HELZ: variants seen among roughly 807,000 people sequenced by gnomAD.
The protein encoded by HELZ is ATP-dependent RNA helicase with zinc finger domain.
In HELZ, 23 loss-of-function variants were observed where a neutral mutation model predicts 218.2. That is an observed-to-expected ratio of 0.11 (90% CI 0.08 to 0.15). HELZ has a LOEUF of 0.15. HELZ is among the 10% of genes least tolerant of loss of function. The pLI is 1.00. For missense variants in HELZ, 1,813 were observed against 2,353.7 expected, an observed-to-expected ratio of 0.77 and a Z score of 4.75; for synonymous variants, 814 against 829.4, an observed-to-expected ratio of 0.98 and a Z score of 0.32.
At chr17:67,227,672 T>C (rs528179511) in intron 3 of HELZ, among the ~76,000 whole-genome samples, 1 of 152,312 alleles carries the variant, frequency 6.6e-6, no homozygotes, top group East Asian at 1.9e-4. Flanking sequence ...AGAATACTTT[T>C]GAAGAATTGC....
At chr17:67,127,738 C>T (rs563717549) in intron 24 of HELZ, among the ~76,000 whole-genome samples, 1 of 152,002 alleles carries the variant, frequency 6.6e-6, no homozygotes, top group Non-Finnish European at 1.5e-5. Context: ...CCCAGCTACT[C>T]CAGAGGCTGA....
rs992183692 is a variant in HELZ at position 67,188,130 on chromosome 17, C to T, written c.1162+189G>A. 1.1e-5 allele frequency: 6 copies of T among 537,354 alleles called. No individual in the cohort carries two copies. Among genetic ancestry groups the T allele is most frequent in the Middle Eastern group, 5.1e-4 (1 of 1,954 alleles). The allele number at this position is 537,354 out of a possible 1,614,324, so 33.3% of individuals were successfully genotyped here. ...AAAGTTCAAGCTTTACCTGGTGGCT[C>T]TGTGAAGAAATCAGGGCACAGTGTG... is the stretch of plus-strand genomic sequence containing the variant. On this transcript the variant is annotated intron_variant, in intron 12 of 32. Coordinates refer to ENST00000358691, the MANE Select transcript of HELZ (RefSeq NM_014877.4). The surrounding 1 kb of genome is among the most constrained non-coding windows in gnomAD (Gnocchi z 4.1).
rs1567776794 is a variant in HELZ, at chr17:67,074,834, TA to T, written c.*3417del. On this transcript the variant is annotated 3_prime_UTR_variant, in exon 33 of 33. Coordinates refer to ENST00000358691, the MANE Select transcript of HELZ (RefSeq NM_014877.4). ...GACCAGTTGATGTTTACATTAAACCTAAACTTATTCTAAAATCTGATGATTT... is the reference window on the plus strand; with the variant it reads ...GACCAGTTGATGTTTACATTAAACCTAACTTATTCTAAAATCTGATGATTT... 1 of 151,624 alleles carries T rather than the reference TA, an allele frequency of 6.6e-6. No homozygotes were observed. The highest frequency in any genetic ancestry group is 1.5e-5 in the Non-Finnish European group (1 of 67,906). 9.4% of individuals were successfully genotyped at this position (151,624 alleles called of 1,614,324 possible). A position where few individuals can be genotyped will look rare whatever the true frequency, so the allele number is the denominator to read the frequency against.
intron 13 of HELZ, among the ~76,000 whole-genome samples, chr17:67,171,000 C>G (rs189432907): frequency 6.6e-6 from 1 of 151,120 alleles, no homozygotes; most frequent in East Asian, 1.9e-4. Flanking sequence ...CACAAAGAAT[C>G]ATAGCAAAAA....
intron 17 of HELZ, among the ~76,000 whole-genome samples, chr17:67,157,302 G>GA (rs1347965933): frequency 1.3e-5 from 2 of 152,034 alleles, no homozygotes; most frequent in Non-Finnish European, 2.9e-5. Context: ...AAAGAGGGGG[G>GA]AAAAAAAGAA....
At chr17:67,168,807 T>A (rs180873770) in intron 13 of HELZ, among the ~76,000 whole-genome samples, 1 of 152,140 alleles carries the variant, frequency 6.6e-6, no homozygotes, top group East Asian at 1.9e-4. Context: ...TCAAGAAATA[T>A]GGAGCCGGAC....
chr17:67,210,097 C>T (rs1451674025), intron 5 of HELZ, among the ~76,000 whole-genome samples: 1 of 152,128 alleles, frequency 6.6e-6, no homozygotes, highest in East Asian at 1.9e-4. Context: ...CTGGCGCACA[C>T]TTTGTTGTCC....
At chr17:67,101,429 G>GA (rs2036927997) in intron 31 of HELZ, among the ~76,000 whole-genome samples, 1 of 152,118 alleles carries the variant, frequency 6.6e-6, no homozygotes, top group Non-Finnish European at 1.5e-5. Context: ...TACTGGGTTA[G>GA]AATGCCACAA....
intron 32 of HELZ, among the ~76,000 whole-genome samples, chr17:67,085,328 A>G (rs2036335756): frequency 6.6e-6 from 1 of 152,126 alleles, no homozygotes; most frequent in Non-Finnish European, 1.5e-5. Flanking sequence ...AGGCTGAGGC[A>G]GGAGGATCAT....
intron 28 of HELZ, among the ~76,000 whole-genome samples, chr17:67,113,345 C>T (rs993384129): frequency 4.0e-5 from 6 of 151,830 alleles, no homozygotes; most frequent in Non-Finnish European, 8.8e-5. Flanking sequence ...CTGCAAGCTC[C>T]GCCTCCTGGG....
chr17:67,239,304 G>C (rs1019650879), intron 3 of HELZ, 129 bp downstream of exon 3: 1 of 152,226 alleles, frequency 6.6e-6, no homozygotes, highest in Non-Finnish European at 1.5e-5. Flanking sequence ...AACCGATTCC[G>C]TTAGGATCTG....
intron 5 of HELZ, among the ~76,000 whole-genome samples, chr17:67,205,757 T>C (rs16960711): frequency 0.091 from 13,912 of 152,288 alleles, 1,676 homozygotes; most frequent in African/African-American, 0.28. Context: ...TATGAGGTAT[T>C]TGCTGAATTT....
At chr17:67,152,767 TA>T (rs368609592) in intron 17 of HELZ, among the ~76,000 whole-genome samples, 374 of 124,824 alleles carry the variant, frequency 3.0e-3, no homozygotes, top group African/African-American at 6.9e-3. Context: ...AGAGTAGATT[TA>T]AAAAAAAAAA....
At chr17:67,111,212 T>C (rs913131877) in intron 28 of HELZ, among the ~76,000 whole-genome samples, 1 of 152,236 alleles carries the variant, frequency 6.6e-6, no homozygotes, top group Non-Finnish European at 1.5e-5. Context: ...TACTGAGTAA[T>C]TGTTTTTAAT....
At chr17:67,093,179 T>C (rs2036626863) in intron 31 of HELZ, among the ~76,000 whole-genome samples, 1 of 152,176 alleles carries the variant, frequency 6.6e-6, no homozygotes, top group Non-Finnish European at 1.5e-5. Context: ...GAAAAGGCAC[T>C]GCAGAAAACA....
intron 3 of HELZ, among the ~76,000 whole-genome samples, chr17:67,228,707 CATTATTATT>C (rs375631612): frequency 3.4e-5 from 5 of 147,508 alleles, no homozygotes; most frequent in East Asian, 2.0e-4. Context: ...CAAATTGATA[CATTATTATT>C]ATTATTATTA....
chr17:67,071,529 A>G lies in HELZ; in HGVS notation c.*6723T>C, dbSNP rs1328309645. ...AGCTGTATATTCTACGATGGTCTTCACGTGTACTTTTACACCTAAGTCATT... is the reference window on the plus strand; with the variant it reads ...AGCTGTATATTCTACGATGGTCTTCGCGTGTACTTTTACACCTAAGTCATT... On this transcript the variant is annotated 3_prime_UTR_variant, in exon 33 of 33. Coordinates refer to ENST00000358691, the MANE Select transcript of HELZ (RefSeq NM_014877.4). The G allele has an allele frequency of 1.3e-5, 2 of 152,214 alleles. No individual in the cohort carries two copies. The highest frequency in any genetic ancestry group is 4.8e-5 in the African/African-American group (2 of 41,464). The allele number at this position is 152,214 out of a possible 1,614,324, so 9.4% of individuals were successfully genotyped here. A position where few individuals can be genotyped will look rare whatever the true frequency, so the allele number is the denominator to read the frequency against.
In HELZ at chr17:67,227,840, C is replaced by T. The variant is rs550427845; in HGVS notation, c.-18-9018G>A. 2.0e-5 allele frequency among the ~76,000 whole-genome samples: 3 copies of T among 152,298 alleles called. No homozygotes were observed. In the South Asian group the frequency reaches 6.2e-4, roughly 32 times the overall value. On this transcript the variant is annotated intron_variant, in intron 3 of 32. Transcript: ENST00000358691. ...AATATGCTTTTATTTTAAAAATCAG[C>T]TATATTCCTCAAATTAACTTCTCTT...
At chr17:67,244,278 T>C (rs1486327495) in intron 1 of HELZ, among the ~76,000 whole-genome samples, 1 of 151,872 alleles carries the variant, frequency 6.6e-6, no homozygotes, top group Non-Finnish European at 1.5e-5. Context: ...GCCTGAGAAG[T>C]GTTAAGTTGT....
Sources: gnomAD v4.1 joint callset for allele counts (sites outside exome capture counted in the v4.1 genomes callset) on GRCh38, gnomAD v4.1.1 for gene constraint, Gnocchi (gnomAD v3.1) non-coding constraint, MANE v1.5 for transcripts, NCBI Gene and HGNC (gene_info 2026-07-23, HGNC 2026-07-21) for gene names.